Variants in PKHD1 observed in about 807,000 individuals in gnomAD.
PKHD1 encodes the protein PKHD1 ciliary IPT domain containing fibrocystin/polyductin.
Under a neutral mutation model 412.0 loss-of-function variants are expected in PKHD1, and 291 were observed. That is an observed-to-expected ratio of 0.71 (90% confidence interval 0.64 to 0.78). PKHD1 has a LOEUF of 0.78. Among genes scored for constraint, PKHD1 ranks in the 30% least tolerant of loss-of-function variants. The probability of loss-of-function intolerance (pLI) is 0.00; values close to 1 mark genes in which losing one functional copy is unlikely to be tolerated. For synonymous variants in PKHD1, 1,777 were observed against 1,821.5 expected (o/e 0.98, Z 0.62); for missense variants, 4,825 against 4,950.7 (o/e 0.97, Z 0.76).
intron 52 of PKHD1, among the ~76,000 whole-genome samples, chr6:51,828,112 A>C (rs2151493974): frequency 6.6e-6 from 1 of 152,248 alleles, no homozygotes; most frequent in Admixed American, 6.5e-5. Context: ...TGGTAAGAGA[A>C]GAATGTGGAG....
At chr6:51,646,889 T>C (rs1158071814) in intron 63 of PKHD1, among the ~76,000 whole-genome samples, 2 of 152,256 alleles carry the variant, frequency 1.3e-5, no homozygotes, top group East Asian at 1.9e-4. Context: ...CCACCCTCCA[T>C]AGAGCAGAGT....
At chr6:51,670,693 G>T (rs1241362838) in intron 60 of PKHD1, among the ~76,000 whole-genome samples, 2 of 152,062 alleles carry the variant, frequency 1.3e-5, no homozygotes, top group African/African-American at 2.4e-5. Flanking sequence ...TACCAGTTGT[G>T]CCTTTCCATG....
At chr6:52,007,598 C>G (rs894250330) in intron 35 of PKHD1, among the ~76,000 whole-genome samples, 4 of 152,218 alleles carry the variant, frequency 2.6e-5, no homozygotes, top group Non-Finnish European at 4.4e-5. Flanking sequence ...GGGTGACATA[C>G]TATCCCAGCA....
chr6:51,862,657 G>T (rs1006770549), intron 48 of PKHD1, among the ~76,000 whole-genome samples: 19 of 152,234 alleles, frequency 1.2e-4, no homozygotes, highest in African/African-American at 3.6e-4. Flanking sequence ...TGGTTACATA[G>T]GTAAAAACTG....
chr6:51,633,090 C>T (rs547422153), intron 64 of PKHD1, among the ~76,000 whole-genome samples: 10 of 152,254 alleles, frequency 6.6e-5, no homozygotes, highest in African/African-American at 2.4e-4. Flanking sequence ...TGTGAAATTA[C>T]TTGCTCTGAT....
At chr6:52,009,095 G>T (rs12211897) in intron 35 of PKHD1, among the ~76,000 whole-genome samples, 3,047 of 152,298 alleles carry the variant, frequency 0.02, 47 homozygotes, top group South Asian at 0.047. Flanking sequence ...AAGTGGAAGT[G>T]CCACTGGGGG....
At chr6:52,048,927 TCCTGC>T (rs1438851827) in intron 22 of PKHD1, among the ~76,000 whole-genome samples, 1 of 152,234 alleles carries the variant, frequency 6.6e-6, no homozygotes, top group Non-Finnish European at 1.5e-5. Flanking sequence ...TTATTGCTTT[TCCTGC>T]CCAGAGGACC....
chr6:51,743,243 G>T (rs1478364474), intron 60 of PKHD1, among the ~76,000 whole-genome samples: 1 of 152,144 alleles, frequency 6.6e-6, no homozygotes, highest in Admixed American at 6.6e-5. Context: ...GAGAGACAAT[G>T]GTGGCTAGTA....
chr6:51,797,793 GC>G (rs1416477080), intron 52 of PKHD1, among the ~76,000 whole-genome samples: 1 of 152,052 alleles, frequency 6.6e-6, no homozygotes, highest in African/African-American at 2.4e-5. Context: ...GGGGCATTTA[GC>G]CCATTTATAT....
intron 36 of PKHD1, among the ~76,000 whole-genome samples, chr6:51,938,881 T>G (rs946000815): frequency 7.3e-5 from 11 of 151,686 alleles, no homozygotes; most frequent in African/African-American, 2.7e-4. Context: ...TCCCTCAACC[T>G]CTTTCTCCTT....
At chr6:52,058,694 G>A (rs766173662) in intron 15 of PKHD1, 93 bp from the exon 16 acceptor site, 100 of 1,333,608 alleles carry the variant, frequency 7.5e-5, no homozygotes, top group Middle Eastern at 1.8e-4. Context: ...ACTATCAAGA[G>A]AGTTTTGAAC....
intron 46 of PKHD1, among the ~76,000 whole-genome samples, chr6:51,874,956 G>A (rs1033234791): frequency 1.3e-5 from 1 of 75,372 alleles, no homozygotes; most frequent in Non-Finnish European, 2.4e-5. Context: ...CCTGGGAAGC[G>A]CAAGGGGTCA....
chr6:51,762,981 T>G (rs1047465399), intron 55 of PKHD1, among the ~76,000 whole-genome samples: 5 of 152,058 alleles, frequency 3.3e-5, no homozygotes, highest in Non-Finnish European at 7.4e-5. Context: ...TAAAAAAGGT[T>G]TTAAAGAGAA....
chr6:51,883,745 G>GT lies in PKHD1; in HGVS notation c.7216-519dup, dbSNP rs1562527553. ...ATAATAACAAAATTAGCTTGGTAGA[G>GT]TTGTAAGTCTACTACTTGCTATGGT... On this transcript the variant is annotated intron_variant, in intron 45 of 66. Transcript: ENST00000371117. 4.6e-5 allele frequency among the ~76,000 whole-genome samples: 7 copies of GT among 152,312 alleles called. No individual in the cohort carries two copies. In the South Asian group the frequency reaches 1.4e-3, roughly 32 times the overall value.
rs1554165849 is a variant in PKHD1, at chr6:51,627,006, CCA to C, written c.11774_11775del (p.Val3925GlyfsTer31). 6.2e-7 allele frequency: 1 copy of C among 1,613,554 alleles called. No homozygotes were observed. Among genetic ancestry groups the C allele is most frequent in the Admixed American group, 1.7e-5 (1 of 59,970 alleles). On this transcript the variant is annotated frameshift_variant, in exon 66 of 67. Transcript: ENST00000371117. LOFTEE classifies it low-confidence loss of function (END_TRUNC). ...ESQGPKKEDT[V>X]VGEDMRMKVM... ...CACCCTCCAAGCTTACCTTCTCCCA[CCA>C]CAGTGTCTTCTTTTTTGGGCCCTTG...
intron 50 of PKHD1, among the ~76,000 whole-genome samples, chr6:51,846,277 T>A (rs904955835): frequency 6.6e-6 from 1 of 152,172 alleles, no homozygotes. Context: ...AGCCTGTAGG[T>A]CCGACTCACT....
chr6:51,662,200 C>G (rs1028990910), intron 60 of PKHD1, among the ~76,000 whole-genome samples: 1 of 151,738 alleles, frequency 6.6e-6, no homozygotes, highest in East Asian at 1.9e-4. Flanking sequence ...GAAGAATTAT[C>G]TAAAAGCAAT....
At chr6:52,050,866 T>A (rs1168159486) in intron 21 of PKHD1, among the ~76,000 whole-genome samples, 1 of 152,222 alleles carries the variant, frequency 6.6e-6, no homozygotes, top group Admixed American at 6.5e-5. Context: ...AAGACTCAGT[T>A]TTCTTATGTG....
intron 60 of PKHD1, among the ~76,000 whole-genome samples, chr6:51,713,926 CTCT>C (rs1340594276): frequency 2.0e-5 from 3 of 152,128 alleles, no homozygotes; most frequent in Non-Finnish European, 4.4e-5. Flanking sequence ...CACCTGTAGA[CTCT>C]TCTTCTTCAG....
Sources: allele counts gnomAD v4.1 joint callset (sites outside exome capture counted in the v4.1 genomes callset), GRCh38; gene constraint gnomAD v4.1.1; transcripts MANE v1.5; gene names NCBI Gene and HGNC (gene_info 2026-07-23, HGNC 2026-07-21).